The following ZDHHC14 variants were observed in gnomAD, a reference collection of about 807,000 sequenced individuals.
ZDHHC14 encodes the protein palmitoyltransferase ZDHHC14.
Under a neutral mutation model 47.7 loss-of-function variants are expected in ZDHHC14, and 16 were observed. That is an observed-to-expected ratio of 0.34 (90% CI 0.23 to 0.51). The LOEUF is 0.51. Ranked by LOEUF, ZDHHC14 falls within the 20% of genes least tolerant of loss-of-function variation. The pLI is 0.97. For missense variants in ZDHHC14, 515 were observed against 662.5 expected (o/e 0.78, Z 2.44); for synonymous variants, 293 against 278.9 (o/e 1.05, Z -0.50).
chr6:157,577,830 C>A (rs1021286463), intron 2 of ZDHHC14, among the ~76,000 whole-genome samples: 1 of 152,202 alleles, frequency 6.6e-6, no homozygotes, highest in East Asian at 1.9e-4. Context: ...GGATTACAGG[C>A]GTGAGCCACA....
intron 6 of ZDHHC14, 83 bp from the exon 7 acceptor site, chr6:157,647,176 A>T: frequency 2.3e-6 from 2 of 888,312 alleles, no homozygotes; most frequent in Non-Finnish European, 1.8e-6. Context: ...TGCATTCTTT[A>T]TGAGCCTCTC....
chr6:157,558,437 A>G (rs1437775845), intron 2 of ZDHHC14, among the ~76,000 whole-genome samples: 1 of 152,210 alleles, frequency 6.6e-6, no homozygotes, highest in Non-Finnish European at 1.5e-5. Context: ...TTCAGTGACA[A>G]GAGTAGCCAA....
At chr6:157,406,203 G>A (rs1220388993) in intron 1 of ZDHHC14, among the ~76,000 whole-genome samples, 1 of 152,196 alleles carries the variant, frequency 6.6e-6, no homozygotes, top group East Asian at 1.9e-4. Flanking sequence ...GGAGGGAGTG[G>A]GGTGATTCAG....
chr6:157,591,553 G>A (rs1470545111), intron 2 of ZDHHC14, among the ~76,000 whole-genome samples: 6 of 152,162 alleles, frequency 3.9e-5, no homozygotes, highest in Non-Finnish European at 8.8e-5. Flanking sequence ...CAGCCCTACA[G>A]AACTGTGAGT....
chr6:157,510,750 C>G (rs545817093), intron 1 of ZDHHC14, among the ~76,000 whole-genome samples: 1 of 152,338 alleles, frequency 6.6e-6, no homozygotes, highest in Admixed American at 6.5e-5. Flanking sequence ...CCGGGGTCCA[C>G]GTGGAGCACG....
At chr6:157,392,043 G>T (rs1777428404) in intron 1 of ZDHHC14, among the ~76,000 whole-genome samples, 1 of 152,102 alleles carries the variant, frequency 6.6e-6, no homozygotes, top group Admixed American at 6.6e-5. Context: ...ATGTAATGCG[G>T]AATCTGCAAG....
At chr6:157,579,346 T>C (rs1195994884) in intron 2 of ZDHHC14, among the ~76,000 whole-genome samples, 2 of 151,824 alleles carry the variant, frequency 1.3e-5, no homozygotes, top group East Asian at 1.9e-4. Flanking sequence ...TACAGGTGCC[T>C]GCCACCACGC....
At chr6:157,505,033 C>T (rs536811993) in intron 1 of ZDHHC14, among the ~76,000 whole-genome samples, 2 of 152,208 alleles carry the variant, frequency 1.3e-5, no homozygotes, top group African/African-American at 4.8e-5. Context: ...TGGTCTTGAA[C>T]ACCTGACCTC....
chr6:157,642,023 AAGAT>A (rs77223982), intron 5 of ZDHHC14, among the ~76,000 whole-genome samples: 12,168 of 146,632 alleles, frequency 0.083, 539 homozygotes, highest in African/African-American at 0.13. Context: ...GTATATTTTG[AAGAT>A]AGATAGATAG....
Position 157,671,935 on chromosome 6 carries a change from A to G in ZDHHC14, c.1069-789A>G, listed in dbSNP as rs187080884. On this transcript the variant is annotated intron_variant, in intron 8 of 8. Transcript: ENST00000359775. ...CCGTTGATGTTGTTCTGCAACCACCACTACCACCCATCTCCAGGGCTTCTT... is the reference window on the plus strand; with the variant it reads ...CCGTTGATGTTGTTCTGCAACCACCGCTACCACCCATCTCCAGGGCTTCTT... 1.1e-3 allele frequency among the ~76,000 whole-genome samples: 171 copies of G among 152,290 alleles called. 1 individual carries two copies. The highest frequency in any genetic ancestry group is 1.6e-4 in the Non-Finnish European group (11 of 68,014).
chr6:157,486,335 C>T (rs1227259047), intron 1 of ZDHHC14, among the ~76,000 whole-genome samples: 2 of 152,216 alleles, frequency 1.3e-5, no homozygotes, highest in Admixed American at 6.5e-5. Flanking sequence ...ACTTGCCAAG[C>T]ACAGCATCTC....
In ZDHHC14 at chr6:157,391,016, G is replaced by A. The variant is rs140324104; in HGVS notation, c.245+8750G>A. On this transcript the variant is annotated intron_variant, in intron 1 of 8. Coordinates refer to ENST00000359775, the MANE Select transcript of ZDHHC14 (RefSeq NM_024630.3). ...CTTTTTTCAGGCCACTAGTGTGTGT[G>A]AGTCAATCTAGTTTGTAATGGAAAC... Among the ~76,000 whole-genome samples the A allele has an allele frequency of 2.7e-3, 415 of 152,266 alleles. 5 individuals carry two copies. Among genetic ancestry groups the A allele is most frequent in the African/African-American group, 9.7e-3 (404 of 41,542 alleles).
intron 1 of ZDHHC14, among the ~76,000 whole-genome samples, chr6:157,525,237 T>G (rs1302655669): frequency 6.6e-6 from 1 of 152,178 alleles, no homozygotes; most frequent in Non-Finnish European, 1.5e-5. Flanking sequence ...CATAACTCAC[T>G]GCAACCTTGA....
At chr6:157,382,323 CG>C in intron 1 of ZDHHC14, 57 bp downstream of exon 1, 1 of 1,575,490 alleles carries the variant, frequency 6.3e-7, no homozygotes, top group Non-Finnish European at 8.6e-7. Context: ...CCCTGTCCCC[CG>C]CCCCTCCTCG....
At chr6:157,660,274 C>T (rs1778294923) in intron 8 of ZDHHC14, among the ~76,000 whole-genome samples, 1 of 151,548 alleles carries the variant, frequency 6.6e-6, no homozygotes. Flanking sequence ...CTCACTGCAA[C>T]CTCCACCTCC....
intron 1 of ZDHHC14, among the ~76,000 whole-genome samples, chr6:157,384,606 C>G (rs1231909792): frequency 1.3e-5 from 2 of 152,210 alleles, no homozygotes; most frequent in African/African-American, 4.8e-5. Flanking sequence ...TTCAAGAAAA[C>G]AAGAGGCCCA....
At chr6:157,543,645 G>A (rs150954772) in intron 2 of ZDHHC14, among the ~76,000 whole-genome samples, 1 of 152,186 alleles carries the variant, frequency 6.6e-6, no homozygotes, top group Non-Finnish European at 1.5e-5. Context: ...TGCCTATTCT[G>A]GTCCTACCAT....
intron 2 of ZDHHC14, among the ~76,000 whole-genome samples, chr6:157,552,482 C>T (rs550354391): frequency 7.0e-4 from 106 of 152,214 alleles, no homozygotes; most frequent in South Asian, 4.4e-3. Context: ...GAGTGGGCAG[C>T]TCTTTGTGCT....
chr6:157,435,917 G>T (rs1293735800), intron 1 of ZDHHC14, among the ~76,000 whole-genome samples: 1 of 152,184 alleles, frequency 6.6e-6, no homozygotes, highest in Non-Finnish European at 1.5e-5. Context: ...GCAAGTGCTT[G>T]CTGTATGCTG....
Sources: gnomAD v4.1 joint callset for allele counts (sites outside exome capture counted in the v4.1 genomes callset) on GRCh38, gnomAD v4.1.1 for gene constraint, MANE v1.5 for transcripts, NCBI Gene and HGNC (gene_info 2026-07-23, HGNC 2026-07-21) for gene names.